The following SMDT1 variants were observed in gnomAD, a reference collection of about 807,000 sequenced individuals.
The protein encoded by SMDT1 is single-pass membrane protein with aspartate rich tail 1, also known as essential MCU regulator, mitochondrial.
In SMDT1, 6 loss-of-function variants were observed where a neutral mutation model predicts 5.9. The observed-to-expected ratio is 1.03, with a 90% CI of 0.56 to 2.02. The LOEUF is 2.02. SMDT1 is among the 30% of genes most tolerant of loss of function. The pLI is 0.00. For missense variants in SMDT1, 159 were observed against 145.6 expected (o/e 1.09, Z -0.47); for synonymous variants, 81 against 62.4 (o/e 1.30, Z -1.40).
intron 1 of SMDT1, 114 bp downstream of exon 1, chr22:42,080,068 C>T: frequency 8.3e-7 from 1 of 1,202,896 alleles, no homozygotes; most frequent in Non-Finnish European, 1.1e-6. Context: ...TTACCGTAGA[C>T]TGGAAGGCGG....
intron 1 of SMDT1, among the ~76,000 whole-genome samples, chr22:42,081,451 C>T (rs1025436124): frequency 1.3e-5 from 2 of 151,718 alleles, no homozygotes; most frequent in Non-Finnish European, 2.9e-5. Flanking sequence ...AGGTGTGAGC[C>T]ACTGCGCCCG....
rs375507979 is a variant in SMDT1, at chr22:42,081,586, G to A, written c.187-339G>A. Among the ~76,000 whole-genome samples, 370 of 151,836 alleles carry A rather than the reference G, an allele frequency of 2.4e-3. 1 individual carries two copies. Among genetic ancestry groups the A allele is most frequent in the African/African-American group, 8.7e-3 (359 of 41,374 alleles). ...AGCAATTATCCTGCCTCAGCCTCCCGAGTAGCTGGGATTACAGGTGCGCAC... is the reference window on the plus strand; with the variant it reads ...AGCAATTATCCTGCCTCAGCCTCCCAAGTAGCTGGGATTACAGGTGCGCAC... On this transcript the variant is annotated intron_variant, in intron 1 of 2. Coordinates refer to ENST00000331479, the MANE Select transcript of SMDT1 (RefSeq NM_033318.5).
At chr22:42,082,412 G>C (rs777168334) in intron 2 of SMDT1, among the ~76,000 whole-genome samples, 2 of 152,094 alleles carry the variant, frequency 1.3e-5, no homozygotes, top group African/African-American at 2.4e-5. Flanking sequence ...TGTTAGCCAG[G>C]CTAGTCTCAA....
At chr22:42,082,466 G>A (rs1359118318) in intron 2 of SMDT1, among the ~76,000 whole-genome samples, 1 of 152,200 alleles carries the variant, frequency 6.6e-6, no homozygotes, top group East Asian at 1.9e-4. Context: ...CTCCCAAAGT[G>A]CTGTGATTAC....
At chr22:42,081,242 T>G (rs2146861889) in intron 1 of SMDT1, among the ~76,000 whole-genome samples, 1 of 152,118 alleles carries the variant, frequency 6.6e-6, no homozygotes, top group Admixed American at 6.5e-5. Context: ...CTTGGCTCAC[T>G]GCAGCCTCCG....
intron 1 of SMDT1, among the ~76,000 whole-genome samples, chr22:42,080,533 C>G (rs545553764): frequency 7.7e-4 from 117 of 152,292 alleles, no homozygotes; most frequent in African/African-American, 2.7e-3. Flanking sequence ...CCGTCCCCAC[C>G]AGGTCCTGTC....
chr22:42,079,714 C>A lies in SMDT1; in HGVS notation c.-55C>A. 1.3e-6 allele frequency: 2 copies of A among 1,543,134 alleles called. No individual in the cohort carries two copies. Among genetic ancestry groups the A allele is most frequent in the South Asian group, 1.2e-5 (1 of 84,792 alleles). On this transcript the variant is annotated 5_prime_UTR_variant, in exon 1 of 3. Transcript: ENST00000331479. ...CGGGCGGCTTTCTTCCCGAGGGCGG[C>A]ACGAGGGCTGGGCGGTGGGGTGCGG... is the stretch of plus-strand genomic sequence containing the variant.
chr22:42,080,878 T>C, intron 1 of SMDT1, among the ~76,000 whole-genome samples: 1 of 152,264 alleles, frequency 6.6e-6, no homozygotes, highest in East Asian at 1.9e-4. Context: ...AATACATCTG[T>C]TTCTAAAATT....
intron 1 of SMDT1, among the ~76,000 whole-genome samples, chr22:42,081,057 T>G (rs909419575): frequency 6.6e-6 from 1 of 152,206 alleles, no homozygotes; most frequent in Non-Finnish European, 1.5e-5. Context: ...CCTGTAGGGA[T>G]TTAAAGTAAT....
rs1367129432 is a variant in SMDT1 at position 42,083,581 on chromosome 22, A to G, written c.*466A>G. 1 of 152,294 alleles carries G rather than the reference A, an allele frequency of 6.6e-6. No individual in the cohort carries two copies. The highest frequency in any genetic ancestry group is 1.9e-4 in the East Asian group (1 of 5,182). The allele number at this position is 152,294 out of a possible 1,614,324, so 9.4% of individuals were successfully genotyped here. ...TTAAGAAAGCTTCATGGGCTAACTAAAGCCTCATGCCATTCTGTGTTCAGT... is the reference window on the plus strand; with the variant it reads ...TTAAGAAAGCTTCATGGGCTAACTAGAGCCTCATGCCATTCTGTGTTCAGT... On this transcript the variant is annotated 3_prime_UTR_variant, in exon 3 of 3. Transcript: ENST00000331479.
rs1029029812 is a variant in SMDT1, at chr22:42,083,698, G to T, written c.*583G>T. 1 of 152,130 alleles carries T rather than the reference G, an allele frequency of 6.6e-6. No homozygotes were observed. The highest frequency in any genetic ancestry group is 6.6e-5 in the Admixed American group (1 of 15,266). 9.4% of individuals were successfully genotyped at this position (152,130 alleles called of 1,614,324 possible). ...GTTCTGTGATATGAGGATATAGATA[G>T]GTTTTCATCTATTTCCTGGCTTATA... On this transcript the variant is annotated 3_prime_UTR_variant, in exon 3 of 3. Transcript: ENST00000331479.
chr22:42,081,918 T>A lies in SMDT1; in HGVS notation c.187-7T>A. On this transcript the variant is annotated splice_region_variant and splice_polypyrimidine_tract_variant and intron_variant, in intron 1 of 2. Coordinates refer to ENST00000331479, the MANE Select transcript of SMDT1 (RefSeq NM_033318.5). ...GAGCTCACAGCTGCCACTCTGACCC[T>A]CTGCAGATGTCCTTCGGCCTTCTCC... is the stretch of plus-strand genomic sequence containing the variant. 1.9e-6 allele frequency: 3 copies of A among 1,613,872 alleles called. No homozygotes were observed. In the African/African-American group the frequency reaches 4.0e-5, roughly 22 times the overall value.
chr22:42,079,823 C>A lies in SMDT1; in HGVS notation c.55C>A (p.Leu19Ile), dbSNP rs1212587203. Reference sequence around the variant, plus strand: ...ATTGGCACCCGTCAGGTCCGGGGCTCTCCGGAGCGGGCCTAGCTTGAGGAA... The same window carrying A: ...ATTGGCACCCGTCAGGTCCGGGGCTATCCGGAGCGGGCCTAGCTTGAGGAA... The part of the protein sequence containing the change: ...LVLAPVRSGA[L>I]RSGPSLRKDG... Residue 19 changes from leucine (L) to isoleucine (I), a missense_variant, in exon 1 of 3, where the codon CTC (leucine) becomes ATC (isoleucine). By Grantham distance (5) the Leu-to-Ile change is conservative. Transcript: ENST00000331479. 6.2e-7 allele frequency: 1 copy of A among 1,613,204 alleles called. No individual in the cohort carries two copies. The highest frequency in any genetic ancestry group is 8.5e-7 in the Non-Finnish European group (1 of 1,179,922).
rs1235348570 is a variant in SMDT1 at position 42,079,825 on chromosome 22, C to G, written c.57C>G (p.Leu19=). The change falls in exon 1 of 3, where the codon CTC becomes CTG. Residue 19 remains leucine, a synonymous_variant. Transcript: ENST00000331479. ...LVLAPVRSGA[L]RSGPSLRKDG... ...TGGCACCCGTCAGGTCCGGGGCTCTCCGGAGCGGGCCTAGCTTGAGGAAAG... is the reference window on the plus strand; with the variant it reads ...TGGCACCCGTCAGGTCCGGGGCTCTGCGGAGCGGGCCTAGCTTGAGGAAAG... 1 of 1,613,422 alleles carries G rather than the reference C, an allele frequency of 6.2e-7. No individual in the cohort carries two copies. Among genetic ancestry groups the G allele is most frequent in the South Asian group, 1.1e-5 (1 of 91,056 alleles).
chr22:42,080,011 G>A, intron 1 of SMDT1, 57 bp downstream of exon 1: 1 of 1,530,388 alleles, frequency 6.5e-7, no homozygotes, highest in South Asian at 1.2e-5. Context: ...TGTGGGGAGT[G>A]CGTGAGGGCG....
chr22:42,080,845 G>A (rs897454194), intron 1 of SMDT1, among the ~76,000 whole-genome samples: 1 of 152,216 alleles, frequency 6.6e-6, no homozygotes, highest in Non-Finnish European at 1.5e-5. Context: ...AAGTCTTTGA[G>A]TGTAAATACA....
rs949916320 is a variant in SMDT1 at position 42,083,685 on chromosome 22, G to A, written c.*570G>A. On this transcript the variant is annotated 3_prime_UTR_variant, in exon 3 of 3. Transcript: ENST00000331479. ...ATTCAAAACTCGGGTTCTGTGATATGAGGATATAGATAGGTTTTCATCTAT... is the reference window on the plus strand; with the variant it reads ...ATTCAAAACTCGGGTTCTGTGATATAAGGATATAGATAGGTTTTCATCTAT... 1.3e-5 allele frequency: 2 copies of A among 152,154 alleles called. No homozygotes were observed. The highest frequency in any genetic ancestry group is 4.8e-5 in the African/African-American group (2 of 41,442). The allele number at this position is 152,154 out of a possible 1,614,324, so 9.4% of individuals were successfully genotyped here.
At chr22:42,080,212 C>T (rs567116871) in intron 1 of SMDT1, among the ~76,000 whole-genome samples, 2 of 152,128 alleles carry the variant, frequency 1.3e-5, no homozygotes, top group Non-Finnish European at 2.9e-5. Flanking sequence ...GTGCTCTGCT[C>T]CTCTGGAGTC....
At chr22:42,083,041 C>T (rs1056134240) in intron 2 of SMDT1, 78 bp from the exon 3 acceptor site, 3 of 152,308 alleles carry the variant, frequency 2.0e-5, no homozygotes, top group Non-Finnish European at 2.9e-5. Context: ...TTGATAGAAG[C>T]ACTTTGTGGA....
Sources: allele counts gnomAD v4.1 joint callset (sites outside exome capture counted in the v4.1 genomes callset), GRCh38; gene constraint gnomAD v4.1.1; transcripts MANE v1.5; gene names NCBI Gene and HGNC (gene_info 2026-07-23, HGNC 2026-07-21).